OPRM1: variants seen among roughly 807,000 people sequenced by gnomAD.
The protein encoded by OPRM1 is mu-type opioid receptor.
OPRM1 carries 27 observed loss-of-function variants against 31.8 expected under a neutral mutation model. That is an observed-to-expected ratio of 0.85 (90% CI 0.63 to 1.17). The LOEUF (loss-of-function observed/expected upper bound fraction) is 1.17. Among genes scored for constraint, OPRM1 ranks in the 50% most tolerant of loss-of-function variants. OPRM1 has a pLI of 0.00. For missense variants in OPRM1, 536 were observed against 511.1 expected (o/e 1.05, Z -0.47); for synonymous variants, 196 against 189.9 (o/e 1.03, Z -0.26).
At chr6:154,055,694 T>G (rs1162235802) in intron 1 of OPRM1, among the ~76,000 whole-genome samples, 4 of 152,204 alleles carry the variant, frequency 2.6e-5, no homozygotes, top group Admixed American at 1.3e-4. Context: ...TCCAAAACCA[T>G]CGTGTCAAGG....
intron 3 of OPRM1, among the ~76,000 whole-genome samples, chr6:154,169,651 C>T (rs968191585): frequency 7.2e-5 from 11 of 152,190 alleles, no homozygotes; most frequent in African/African-American, 2.7e-4. Context: ...CCTCATCTTG[C>T]CACACAGACT....
intron 3 of OPRM1, among the ~76,000 whole-genome samples, chr6:154,099,428 AAGAG>A (rs1250985005): frequency 2.1e-5 from 3 of 143,702 alleles, no homozygotes; most frequent in Non-Finnish European, 3.0e-5. Context: ...AAGAGAAAGA[AAGAG>A]GGAGGGAGGA....
intron 3 of OPRM1, among the ~76,000 whole-genome samples, chr6:154,099,363 GAGAGAAAGAA>G (rs1194999806): frequency 2.2e-4 from 33 of 148,314 alleles, no homozygotes; most frequent in South Asian, 6.5e-4. Context: ...GAGAGAGAGA[GAGAGAAAGAA>G]AGAGAAAGAA....
chr6:154,125,396 T>C lies in OPRM1; in HGVS notation c.*6675T>C, dbSNP rs1309982882. ...ACCTAAACCTCTGAAGCAATAAACC[T>C]CTTCCATTACACAGGTTTAGATTCA... is the stretch of plus-strand genomic sequence containing the variant. On this transcript the variant is annotated 3_prime_UTR_variant, in exon 4 of 4. Coordinates refer to ENST00000330432, the MANE Select transcript of OPRM1 (RefSeq NM_000914.5). Among the ~76,000 whole-genome samples the C allele has an allele frequency of 6.6e-6, 1 of 152,198 alleles. No individual in the cohort carries two copies. The highest frequency in any genetic ancestry group is 2.4e-5 in the African/African-American group (1 of 41,446).
chr6:154,113,998 T>C (rs1385408458), intron 3 of OPRM1, among the ~76,000 whole-genome samples: 2 of 152,142 alleles, frequency 1.3e-5, no homozygotes, highest in Non-Finnish European at 2.9e-5. Flanking sequence ...ACTGTTTCCC[T>C]TTCCAGAAGC....
At chr6:154,043,313 G>A (rs1323422340) in intron 1 of OPRM1, among the ~76,000 whole-genome samples, 1 of 152,038 alleles carries the variant, frequency 6.6e-6, no homozygotes, top group African/African-American at 2.4e-5. Context: ...AGATGTTATT[G>A]TCATTTCTCC....
Position 154,131,156 on chromosome 6 carries a change from C to T in OPRM1, c.*12435C>T, listed in dbSNP as rs1562499868. The stretch of plus-strand genomic sequence containing the variant: ...TTTCCACTAGAAAAGAAAAGATGTC[C>T]TCCATGTTTTAAATTGCATTTGAAA... On this transcript the variant is annotated 3_prime_UTR_variant, in exon 4 of 4. Coordinates refer to ENST00000330432, the MANE Select transcript of OPRM1 (RefSeq NM_000914.5). Among the ~76,000 whole-genome samples, 2 of 152,074 alleles carry T rather than the reference C, an allele frequency of 1.3e-5. No individual in the cohort carries two copies. Among genetic ancestry groups the T allele is most frequent in the Non-Finnish European group, 2.9e-5 (2 of 68,020 alleles).
At chr6:154,135,488 GATATAGAT>G (rs1798036337), downstream of OPRM1, among the ~76,000 whole-genome samples, 1 of 77,476 alleles carries the variant, frequency 1.3e-5, no homozygotes, top group East Asian at 3.9e-4. Context: ...TATATAGATA[GATATAGAT>G]ATAGATATAG....
chr6:154,243,599 T>A (rs116800284), intron 3 of OPRM1, among the ~76,000 whole-genome samples: 1,620 of 152,296 alleles, frequency 0.011, 30 homozygotes, highest in African/African-American at 0.037. Flanking sequence ...TGAGATCACA[T>A]GTAATTTCAA....
chr6:154,148,863 A>C (rs1401916100), intron 3 of OPRM1, among the ~76,000 whole-genome samples: 3 of 152,210 alleles, frequency 2.0e-5, no homozygotes, highest in African/African-American at 7.2e-5. Context: ...AACCAGTGAG[A>C]ACATGGGTCA....
intron 1 of OPRM1, among the ~76,000 whole-genome samples, chr6:154,033,478 G>C (rs933529861): frequency 3.9e-5 from 6 of 152,186 alleles, no homozygotes; most frequent in Middle Eastern, 3.2e-3. Flanking sequence ...CGCTGGAAAA[G>C]TGCTACTACC....
At position 154,079,246 on chromosome 6, in the gene OPRM1, G is replaced by A. The variant is rs115640638; in HGVS notation, c.291-10580G>A. On this transcript the variant is annotated intron_variant, in intron 1 of 3. Transcript: ENST00000330432. ...CCCAGGGTCCCCTGGAGTAGCTAGAGGGGAGTAGAAATCTGGCCAAGTGGC... is the reference window on the plus strand; with the variant it reads ...CCCAGGGTCCCCTGGAGTAGCTAGAAGGGAGTAGAAATCTGGCCAAGTGGC... Among the ~76,000 whole-genome samples the A allele has an allele frequency of 3.6e-3, 549 of 152,356 alleles. 3 individuals are homozygous for A. Among genetic ancestry groups the A allele is most frequent in the African/African-American group, 0.012 (514 of 41,586 alleles).
chr6:154,072,094 A>C lies in OPRM1; in HGVS notation c.291-17732A>C, dbSNP rs557608810. Among the ~76,000 whole-genome samples, 25 of 152,296 alleles carry C rather than the reference A, an allele frequency of 1.6e-4. 1 individual carries two copies. Among genetic ancestry groups the C allele is most frequent in the Admixed American group, 1.2e-3 (19 of 15,302 alleles). On this transcript the variant is annotated intron_variant, in intron 1 of 3. Transcript: ENST00000330432. ...ATACTGTCCCTTCTCCTTCTTTGGC[A>C]ATAGGAGAGGGATAAAAATGAGAAT... is the stretch of plus-strand genomic sequence containing the variant.
chr6:154,104,956 T>C (rs990043130), intron 3 of OPRM1, among the ~76,000 whole-genome samples: 2 of 152,172 alleles, frequency 1.3e-5, no homozygotes, highest in African/African-American at 4.8e-5. Context: ...TTACTTACCA[T>C]AGGTCAGAAA....
chr6:154,086,133 C>G (rs1424692756), intron 1 of OPRM1, among the ~76,000 whole-genome samples: 1 of 152,144 alleles, frequency 6.6e-6, no homozygotes, highest in Admixed American at 6.5e-5. Context: ...CCACCAGGCC[C>G]AGCCCACATT....
chr6:154,198,699 C>T (rs974524252), intron 3 of OPRM1, among the ~76,000 whole-genome samples: 4 of 151,558 alleles, frequency 2.6e-5, no homozygotes, highest in Admixed American at 6.6e-5. Context: ...GGGCAAATTA[C>T]GCTGATACCA....
chr6:154,056,089 T>C (rs1783218681), intron 1 of OPRM1, among the ~76,000 whole-genome samples: 1 of 151,562 alleles, frequency 6.6e-6, no homozygotes, highest in African/African-American at 2.4e-5. Flanking sequence ...ATTGGTCAAA[T>C]GATGGAGCTC....
At chr6:154,204,472 C>T (rs1180521611) in intron 3 of OPRM1, among the ~76,000 whole-genome samples, 1 of 152,148 alleles carries the variant, frequency 6.6e-6, no homozygotes, top group Non-Finnish European at 1.5e-5. Context: ...ATAAACCAGT[C>T]AATTGTTGTT....
At chr6:154,039,235 C>G, upstream of OPRM1, 1 of 1,551,748 alleles carries the variant, frequency 6.4e-7, no homozygotes, top group Non-Finnish European at 8.7e-7. Flanking sequence ...CACCCCTTTT[C>G]CCTCCTCCCT....
Sources: gnomAD v4.1 joint callset for allele counts (sites outside exome capture counted in the v4.1 genomes callset) on GRCh38, gnomAD v4.1.1 for gene constraint, MANE v1.5 for transcripts, NCBI Gene and HGNC (gene_info 2026-07-23, HGNC 2026-07-21) for gene names.